The following SMURF1 variants were observed in gnomAD, a reference collection of about 807,000 sequenced individuals.
SMURF1 encodes E3 ubiquitin-protein ligase SMURF1.
In SMURF1, 44 loss-of-function variants were observed where a neutral mutation model predicts 98.0. The observed-to-expected ratio is 0.45, with a 90% CI of 0.35 to 0.58. The LOEUF is 0.58. Among genes scored for constraint, SMURF1 ranks in the 20% least tolerant of loss-of-function variants. The pLI, the probability that SMURF1 is intolerant of heterozygous loss-of-function variation, is 0.00. For missense variants in SMURF1, 687 were observed against 938.4 expected (o/e 0.73, Z 3.50); for synonymous variants, 396 against 374.9 (o/e 1.06, Z -0.65).
chr7:99,108,611 CAAAAAAAAA>C (rs11458541), intron 1 of SMURF1, among the ~76,000 whole-genome samples: 3 of 58,562 alleles, frequency 5.1e-5, no homozygotes, highest in Non-Finnish European at 6.0e-5. Flanking sequence ...AACTCTGTCT[CAAAAAAAAA>C]AAAAAAAAAA....
At chr7:99,111,568 A>G (rs1797324040) in intron 1 of SMURF1, among the ~76,000 whole-genome samples, 1 of 152,258 alleles carries the variant, frequency 6.6e-6, no homozygotes, top group South Asian at 2.1e-4. Context: ...AAAACAATGA[A>G]TAACTGGCAA....
chr7:99,084,174 C>A (rs893159319), intron 1 of SMURF1, among the ~76,000 whole-genome samples: 1 of 152,196 alleles, frequency 6.6e-6, no homozygotes, highest in African/African-American at 2.4e-5. Flanking sequence ...ATGTCTAGAG[C>A]CAACAATGAT....
intron 14 of SMURF1, 91 bp downstream of exon 14, chr7:99,038,297 T>C (rs1050792009): frequency 2.1e-6 from 3 of 1,462,154 alleles, no homozygotes; most frequent in Non-Finnish European, 1.9e-6. Flanking sequence ...ATCAGGGACA[T>C]GCAGGCCTCA....
chr7:99,065,582 C>A (rs1261079724), intron 1 of SMURF1, among the ~76,000 whole-genome samples: 2 of 152,112 alleles, frequency 1.3e-5, no homozygotes, highest in Admixed American at 1.3e-4. Context: ...TCACATTGGC[C>A]TATAATGTTC....
At chr7:99,142,937 G>A (rs1563048884) in intron 1 of SMURF1, among the ~76,000 whole-genome samples, 2 of 138,094 alleles carry the variant, frequency 1.4e-5, no homozygotes. Context: ...GGAGGGAGGG[G>A]GTAAAAACGG....
chr7:99,087,685 G>A (rs1458497352), intron 1 of SMURF1, among the ~76,000 whole-genome samples: 4 of 152,086 alleles, frequency 2.6e-5, no homozygotes, highest in Non-Finnish European at 5.9e-5. Flanking sequence ...CGCTTCTGCC[G>A]CGCACATTAA....
chr7:99,078,064 C>T (rs937072066), intron 1 of SMURF1, among the ~76,000 whole-genome samples: 23 of 151,926 alleles, frequency 1.5e-4, no homozygotes, highest in African/African-American at 4.4e-4. Context: ...TTTGGGAGGC[C>T]GAGGCAGGTG....
intron 1 of SMURF1, among the ~76,000 whole-genome samples, chr7:99,086,621 T>C (rs1481761809): frequency 6.6e-6 from 1 of 152,192 alleles, no homozygotes; most frequent in East Asian, 1.9e-4. Flanking sequence ...TGAATGCTCA[T>C]AGCAGCATTG....
intron 3 of SMURF1, among the ~76,000 whole-genome samples, chr7:99,059,229 C>G (rs1002270486): frequency 6.0e-5 from 9 of 150,712 alleles, no homozygotes; most frequent in African/African-American, 2.2e-4. Context: ...GAAACCCCGT[C>G]TCTACTAAAA....
At position 99,070,649 on chromosome 7, in the gene SMURF1, C is replaced by CTT. The variant is rs34341240; in HGVS notation, c.56-8814_56-8813dup. Among the ~76,000 whole-genome samples, 451 of 148,346 alleles carry CTT rather than the reference C, an allele frequency of 3.0e-3. 2 individuals are homozygous for CTT. In the Middle Eastern group the frequency reaches 0.031, roughly 10 times the overall value. ...TTTGTTAAATGGTATTAGGTAATGA[C>CTT]TTTTTTTTTTTTAACTGTGTAGTTA... On this transcript the variant is annotated intron_variant, in intron 1 of 17. Coordinates refer to ENST00000361368, the MANE Select transcript of SMURF1 (RefSeq NM_181349.3).
intron 15 of SMURF1, among the ~76,000 whole-genome samples, chr7:99,036,834 C>G (rs543418872): frequency 6.6e-6 from 1 of 152,270 alleles, no homozygotes; most frequent in East Asian, 1.9e-4. Context: ...TGAACAGTTT[C>G]CCGGGAGTTA....
chr7:99,067,408 T>C (rs759497204), intron 1 of SMURF1, among the ~76,000 whole-genome samples: 45 of 152,294 alleles, frequency 3.0e-4, no homozygotes, highest in Admixed American at 9.8e-4. Context: ...TTTTTCAGTG[T>C]GGACCAATGC....
At chr7:99,048,128 C>T (rs1270698585) in intron 9 of SMURF1, 8 of 452,790 alleles carry the variant, frequency 1.8e-5, no homozygotes, top group Middle Eastern at 6.4e-4. Flanking sequence ...TGGCTCAAGC[C>T]TGTAATCCCA....
rs1562993537 is a variant in SMURF1 at position 99,030,699 on chromosome 7, A to G, written c.2097-16T>C. 6.2e-7 allele frequency: 1 copy of G among 1,611,034 alleles called. No homozygotes were observed. The highest frequency in any genetic ancestry group is 2.2e-5 in the East Asian group (1 of 44,736). On this transcript the variant is annotated splice_polypyrimidine_tract_variant and intron_variant, in intron 17 of 17. Transcript: ENST00000361368. ...CCGGTTAAAGCTGAAAAAGGACAAA[A>G]GAGAGTCACCGTGTGGGCAGTCCAG...
chr7:99,108,218 G>A lies in SMURF1; in HGVS notation c.55+35508C>T, dbSNP rs17161577. On this transcript the variant is annotated intron_variant, in intron 1 of 17. Coordinates refer to ENST00000361368, the MANE Select transcript of SMURF1 (RefSeq NM_181349.3). Reference sequence around the variant, plus strand: ...TTCCCTGTTACGCCCTTGCACTAAAGACTTGCAATTTTGTTTTGATACGGA... The same window carrying A: ...TTCCCTGTTACGCCCTTGCACTAAAAACTTGCAATTTTGTTTTGATACGGA... 6.7e-3 allele frequency among the ~76,000 whole-genome samples: 1,012 copies of A among 152,104 alleles called. 7 individuals carry two copies. The highest frequency in any genetic ancestry group is 0.024 in the African/African-American group (984 of 41,522).
At chr7:99,055,621 C>T (rs978725050) in intron 5 of SMURF1, among the ~76,000 whole-genome samples, 1 of 152,078 alleles carries the variant, frequency 6.6e-6, no homozygotes, top group Non-Finnish European at 1.5e-5. Flanking sequence ...AGGCATGTGC[C>T]ACTGAGCCCA....
chr7:99,101,174 C>T (rs186479160), intron 1 of SMURF1, among the ~76,000 whole-genome samples: 2 of 152,214 alleles, frequency 1.3e-5, no homozygotes, highest in East Asian at 1.9e-4. Context: ...GTCCCATCCC[C>T]GGCCTGGGCA....
chr7:99,067,447 A>G (rs1796220864), intron 1 of SMURF1, among the ~76,000 whole-genome samples: 1 of 152,072 alleles, frequency 6.6e-6, no homozygotes, highest in South Asian at 2.1e-4. Context: ...ACCCTGAAGC[A>G]CCCCTCTACC....
At chr7:99,094,063 C>A (rs1796889106) in intron 1 of SMURF1, among the ~76,000 whole-genome samples, 1 of 152,006 alleles carries the variant, frequency 6.6e-6, no homozygotes, top group Admixed American at 6.6e-5. Flanking sequence ...GTGTGTGTAA[C>A]TATATATGGT....
Sources: gnomAD v4.1 joint callset for allele counts (sites outside exome capture counted in the v4.1 genomes callset) on GRCh38, gnomAD v4.1.1 for gene constraint, MANE v1.5 for transcripts, NCBI Gene and HGNC (gene_info 2026-07-23, HGNC 2026-07-21) for gene names.